The following SDCCAG8 variants were observed in gnomAD, a reference collection of about 807,000 sequenced individuals.
SDCCAG8 encodes the protein serologically defined colon cancer antigen 8.
In SDCCAG8, 74 loss-of-function variants were observed where a neutral mutation model predicts 101.8. The observed-to-expected ratio is 0.73, with a 90% CI of 0.60 to 0.88. SDCCAG8 has a LOEUF of 0.88. Among genes scored for constraint, SDCCAG8 ranks in the 40% least tolerant of loss-of-function variants. SDCCAG8 has a pLI of 0.00. For missense variants in SDCCAG8, 787 were observed against 822.6 expected (o/e 0.96, Z 0.53); for synonymous variants, 281 against 292.9 (o/e 0.96, Z 0.41).
At chr1:243,273,384 A>G (rs2068254718) in intron 3 of SDCCAG8, among the ~76,000 whole-genome samples, 1 of 152,062 alleles carries the variant, frequency 6.6e-6, no homozygotes, top group East Asian at 1.9e-4. Context: ...AAATTATGTG[A>G]TGGGTATATG....
intron 12 of SDCCAG8, among the ~76,000 whole-genome samples, chr1:243,353,976 A>G (rs1276981313): frequency 1.3e-5 from 2 of 152,240 alleles, no homozygotes; most frequent in African/African-American, 2.4e-5. Flanking sequence ...AGAATTGACA[A>G]TTATCTTGAT....
At chr1:243,294,079 A>G (rs2070546414) in intron 6 of SDCCAG8, among the ~76,000 whole-genome samples, 2 of 152,116 alleles carry the variant, frequency 1.3e-5, no homozygotes, top group African/African-American at 4.8e-5. Flanking sequence ...TAACACAGTC[A>G]TTTTAAAGTC....
At chr1:243,321,059 A>C (rs1322055392) in intron 9 of SDCCAG8, among the ~76,000 whole-genome samples, 1 of 152,092 alleles carries the variant, frequency 6.6e-6, no homozygotes. Context: ...TGTTCTGCAC[A>C]TTGTAGGATG....
intron 1 of SDCCAG8, among the ~76,000 whole-genome samples, chr1:243,262,620 G>T (rs2067280618): frequency 6.6e-6 from 1 of 152,176 alleles, no homozygotes; most frequent in Non-Finnish European, 1.5e-5. Context: ...GGAGATTGTA[G>T]GGGTACTTTT....
intron 16 of SDCCAG8, among the ~76,000 whole-genome samples, chr1:243,444,925 A>G (rs184314957): frequency 7.0e-4 from 106 of 152,286 alleles, no homozygotes; most frequent in African/African-American, 2.4e-3. Flanking sequence ...AACATCTTTT[A>G]GATCTTTTCT....
intron 13 of SDCCAG8, among the ~76,000 whole-genome samples, chr1:243,413,894 A>G (rs1180175503): frequency 6.6e-6 from 1 of 152,082 alleles, no homozygotes; most frequent in Non-Finnish European, 1.5e-5. Flanking sequence ...ACACGTCTGA[A>G]AAGTTTTTGC....
chr1:243,394,863 T>TC lies in SDCCAG8; in HGVS notation c.1616+16004dup, dbSNP rs869192671. 5.3e-5 allele frequency among the ~76,000 whole-genome samples: 8 copies of TC among 151,904 alleles called. No individual in the cohort carries two copies. In the East Asian group the frequency reaches 9.7e-4, roughly 18 times the overall value. On this transcript the variant is annotated intron_variant, in intron 13 of 17. Transcript: ENST00000366541. ...TGCCTCTTTTTCTGTTTTTTTTTTTTCCCCTGTAAAATTTGTGTTTCAGGT... is the reference window on the plus strand; with the variant it reads ...TGCCTCTTTTTCTGTTTTTTTTTTTTCCCCCTGTAAAATTTGTGTTTCAGGT...
chr1:243,303,871 G>A (rs1337461434), intron 6 of SDCCAG8, among the ~76,000 whole-genome samples: 2 of 152,012 alleles, frequency 1.3e-5, no homozygotes, highest in Non-Finnish European at 2.9e-5. Context: ...CCAGGGGTTC[G>A]AGACCAGCCT....
chr1:243,426,659 TATGCTACTTGTGAC>T, intron 16 of SDCCAG8, 101 bp downstream of exon 16: 1 of 1,391,100 alleles, frequency 7.2e-7, no homozygotes, highest in Non-Finnish European at 1.0e-6. Context: ...TCATCATCAT[TATGCTACTTGTGAC>T]ATGCTCAAAA....
At chr1:243,438,023 T>C (rs2082261636) in intron 16 of SDCCAG8, among the ~76,000 whole-genome samples, 3 of 152,324 alleles carry the variant, frequency 2.0e-5, no homozygotes, top group Non-Finnish European at 2.9e-5. Flanking sequence ...AGAAGGTTTC[T>C]TGCCCCTCCC....
At chr1:243,471,093 C>T (rs796997330) in intron 16 of SDCCAG8, among the ~76,000 whole-genome samples, 10 of 152,172 alleles carry the variant, frequency 6.6e-5, no homozygotes, top group African/African-American at 2.2e-4. Context: ...AAGAAACGTA[C>T]AAGCAGATGT....
intron 16 of SDCCAG8, among the ~76,000 whole-genome samples, chr1:243,471,398 A>G (rs1251888693): frequency 6.6e-6 from 1 of 151,756 alleles, no homozygotes; most frequent in East Asian, 1.9e-4. Context: ...CTGAGACTTG[A>G]CTCGGAACTT....
At chr1:243,269,319 T>G (rs1041493146) in intron 1 of SDCCAG8, 1 of 151,526 alleles carries the variant, frequency 6.6e-6, no homozygotes, top group African/African-American at 2.4e-5. Flanking sequence ...TTTTTTTTTT[T>G]TTCTGAAACA....
At chr1:243,318,097 A>C (rs747061447) in intron 9 of SDCCAG8, 6 of 456,650 alleles carry the variant, frequency 1.3e-5, no homozygotes, top group Admixed American at 9.4e-5. Flanking sequence ...AATTGACGGA[A>C]TCAATCTAAA....
intron 13 of SDCCAG8, among the ~76,000 whole-genome samples, chr1:243,403,928 C>T (rs939764758): frequency 5.9e-5 from 9 of 152,164 alleles, no homozygotes; most frequent in East Asian, 1.9e-4. Flanking sequence ...TACCCTGGTC[C>T]GTGGAAAAAT....
At chr1:243,482,995 T>C (rs948878133) in intron 16 of SDCCAG8, among the ~76,000 whole-genome samples, 2 of 152,174 alleles carry the variant, frequency 1.3e-5, no homozygotes, top group Admixed American at 6.5e-5. Flanking sequence ...GCGGGCCCCA[T>C]GATGGCAAAC....
At chr1:243,289,643 A>T (rs973690564) in intron 5 of SDCCAG8, among the ~76,000 whole-genome samples, 2 of 152,240 alleles carry the variant, frequency 1.3e-5, no homozygotes, top group African/African-American at 4.8e-5. Context: ...TAAGGTACAC[A>T]GCTGTTAAGT....
intron 17 of SDCCAG8, among the ~76,000 whole-genome samples, chr1:243,491,124 C>A (rs1254647978): frequency 6.6e-6 from 1 of 152,234 alleles, no homozygotes; most frequent in Non-Finnish European, 1.5e-5. Flanking sequence ...ATCAGGAGAA[C>A]GTGGGCTTTG....
chr1:243,392,301 G>C (rs181961120), intron 13 of SDCCAG8, among the ~76,000 whole-genome samples: 55 of 152,266 alleles, frequency 3.6e-4, no homozygotes, highest in African/African-American at 1.3e-3. Context: ...TTATGGCAAG[G>C]CTATTTGGGG....
Sources: allele counts gnomAD v4.1 joint callset (sites outside exome capture counted in the v4.1 genomes callset), GRCh38; gene constraint gnomAD v4.1.1; transcripts MANE v1.5; gene names NCBI Gene and HGNC (gene_info 2026-07-23, HGNC 2026-07-21).